Variants in WWOX observed in about 807,000 individuals in gnomAD.
WWOX encodes the protein WW domain-containing oxidoreductase.
A neutral mutation model predicts 46.2 loss-of-function variants in WWOX; 69 were observed. That is an observed-to-expected ratio of 1.49 (90% confidence interval 1.23 to 1.82). The LOEUF is 1.82. WWOX is among the 40% of genes most tolerant of loss of function. The probability of loss-of-function intolerance (pLI) is 0.00; values close to 1 mark genes in which losing one functional copy is unlikely to be tolerated. For missense variants in WWOX, 919 were observed against 542.6 expected (o/e 1.69, Z -6.89); for synonymous variants, 359 against 202.6 (o/e 1.77, Z -6.56).
chr16:78,504,863 C>T (rs16947818), intron 8 of WWOX, among the ~76,000 whole-genome samples: 1 of 151,948 alleles, frequency 6.6e-6, no homozygotes, highest in Non-Finnish European at 1.5e-5. Flanking sequence ...TAGAATATCT[C>T]GAGTTCTTAA....
chr16:78,595,542 A>G (rs1273095241), intron 8 of WWOX, among the ~76,000 whole-genome samples: 4 of 152,134 alleles, frequency 2.6e-5, no homozygotes, highest in Non-Finnish European at 5.9e-5. Flanking sequence ...TGAGGTCCTC[A>G]ATCTCTCCCT....
intron 8 of WWOX, among the ~76,000 whole-genome samples, chr16:78,851,605 C>G (rs1009861273): frequency 6.6e-6 from 1 of 152,188 alleles, no homozygotes; most frequent in South Asian, 2.1e-4. Flanking sequence ...GTCTCATTCA[C>G]CACTTTGTCC....
At chr16:79,138,532 A>G (rs1008210165) in intron 8 of WWOX, among the ~76,000 whole-genome samples, 4 of 152,212 alleles carry the variant, frequency 2.6e-5, no homozygotes, top group African/African-American at 9.7e-5. Flanking sequence ...GTTAGAGAAC[A>G]TGGGCCCTGG....
Position 78,237,778 on chromosome 16 carries a change from A to G in WWOX, c.516+73489A>G, listed in dbSNP as rs559941225. ...TGTCATAAAGTTTTGAATTTCATCA[A>G]TAAAAAATTTGCAGAAATTTGTTTT... On this transcript the variant is annotated intron_variant, in intron 5 of 8. Coordinates refer to ENST00000566780, the MANE Select transcript of WWOX (RefSeq NM_016373.4). 3 of 152,378 alleles carry G rather than the reference A, an allele frequency of 2.0e-5. No homozygotes were observed. In the East Asian group the frequency reaches 5.8e-4, roughly 29 times the overall value. 9.4% of individuals were successfully genotyped at this position (152,378 alleles called of 1,614,324 possible).
chr16:78,452,802 C>T (rs965294364), intron 8 of WWOX, among the ~76,000 whole-genome samples: 10 of 150,746 alleles, frequency 6.6e-5, no homozygotes, highest in East Asian at 2.0e-4. Context: ...TTATGTCTTT[C>T]GATCTTTTTC....
At chr16:78,377,867 A>G (rs1352655067) in intron 5 of WWOX, among the ~76,000 whole-genome samples, 2 of 152,188 alleles carry the variant, frequency 1.3e-5, no homozygotes, top group East Asian at 3.9e-4. Flanking sequence ...AGAATTACCT[A>G]TAGATATTGA....
intron 8 of WWOX, among the ~76,000 whole-genome samples, chr16:78,486,959 C>G (rs1036774926): frequency 6.6e-6 from 1 of 152,184 alleles, no homozygotes; most frequent in Non-Finnish European, 1.5e-5. Flanking sequence ...CAGGGCATCC[C>G]TGCACAATTT....
chr16:78,414,450 T>G (rs755189061), intron 6 of WWOX, among the ~76,000 whole-genome samples: 3 of 152,124 alleles, frequency 2.0e-5, no homozygotes, highest in Non-Finnish European at 4.4e-5. Context: ...GCACCTGTAA[T>G]CCCAGCTACT....
At chr16:78,896,376 A>C (rs1464251206) in intron 8 of WWOX, 2 of 152,284 alleles carry the variant, frequency 1.3e-5, no homozygotes, top group East Asian at 3.9e-4. Flanking sequence ...GGCTGGGACC[A>C]CTGATGGTAA....
At chr16:78,278,516 A>G (rs1285780439) in intron 5 of WWOX, 11 of 1,340,868 alleles carry the variant, frequency 8.2e-6, no homozygotes, top group Non-Finnish European at 1.0e-5. Flanking sequence ...ATTAGCAAAA[A>G]CTTATCTTTG....
intron 8 of WWOX, among the ~76,000 whole-genome samples, chr16:79,062,335 G>A (rs971384349): frequency 1.1e-4 from 16 of 152,194 alleles, no homozygotes; most frequent in Non-Finnish European, 2.4e-4. Flanking sequence ...ATCTTCAGTT[G>A]GATGGAGAAA....
intron 8 of WWOX, among the ~76,000 whole-genome samples, chr16:78,747,150 C>A (rs1392214758): frequency 6.7e-6 from 1 of 150,130 alleles, no homozygotes; most frequent in East Asian, 2.0e-4. Flanking sequence ...CATGTTGTTT[C>A]TTTTGCCTGG....
intron 8 of WWOX, among the ~76,000 whole-genome samples, chr16:78,738,788 A>G (rs912011422): frequency 3.3e-5 from 5 of 152,180 alleles, no homozygotes; most frequent in African/African-American, 1.2e-4. Context: ...CCCTAGAGCC[A>G]TTGCCTTGAC....
chr16:78,492,537 G>A (rs1223277955), intron 8 of WWOX, among the ~76,000 whole-genome samples: 1 of 152,156 alleles, frequency 6.6e-6, no homozygotes, highest in Non-Finnish European at 1.5e-5. Context: ...CAGCGAGCAG[G>A]AGACAGTCCC....
In WWOX at chr16:78,754,914, A is replaced by G. The variant is rs146143352; in HGVS notation, c.1056+322162A>G. 3.9e-3 allele frequency among the ~76,000 whole-genome samples: 593 copies of G among 152,130 alleles called. 1 individual carries two copies. Among genetic ancestry groups the G allele is most frequent in the African/African-American group, 0.014 (562 of 41,492 alleles). ...ACTGTCCATTATCTGCAGGGGTGGTACTGCTGTCCCCAGGGAAGAGAATGC... is the reference window on the plus strand; with the variant it reads ...ACTGTCCATTATCTGCAGGGGTGGTGCTGCTGTCCCCAGGGAAGAGAATGC... On this transcript the variant is annotated intron_variant, in intron 8 of 8. Coordinates refer to ENST00000566780, the MANE Select transcript of WWOX (RefSeq NM_016373.4).
At chr16:79,066,780 C>T (rs1183514941) in intron 8 of WWOX, among the ~76,000 whole-genome samples, 1 of 152,214 alleles carries the variant, frequency 6.6e-6, no homozygotes, top group Admixed American at 6.5e-5. Context: ...TTCCCTCTGG[C>T]AATGGTCCAG....
chr16:78,364,163 C>T (rs2081478833), intron 5 of WWOX, among the ~76,000 whole-genome samples: 1 of 152,126 alleles, frequency 6.6e-6, no homozygotes, highest in Non-Finnish European at 1.5e-5. Flanking sequence ...ACCCTGTTTG[C>T]AGCAAAGACT....
At chr16:78,202,468 A>G (rs2036262044) in intron 5 of WWOX, among the ~76,000 whole-genome samples, 2 of 152,222 alleles carry the variant, frequency 1.3e-5, no homozygotes. Flanking sequence ...TCACCTTTTC[A>G]AGAATTGAAT....
At chr16:78,602,563 G>A (rs567790114) in intron 8 of WWOX, among the ~76,000 whole-genome samples, 10 of 152,112 alleles carry the variant, frequency 6.6e-5, no homozygotes, top group African/African-American at 2.4e-4. Context: ...GGCTGACAAC[G>A]AAAGCTGTTG....
Sources: allele counts gnomAD v4.1 joint callset (sites outside exome capture counted in the v4.1 genomes callset), GRCh38; gene constraint gnomAD v4.1.1; transcripts MANE v1.5; gene names NCBI Gene and HGNC (gene_info 2026-07-23, HGNC 2026-07-21).